SLCO2A1: variants seen among roughly 807,000 people sequenced by gnomAD.
The protein encoded by SLCO2A1 is matrin F/G 1.
In SLCO2A1, 60 loss-of-function variants were observed where a neutral mutation model predicts 71.7. The ratio of observed to expected loss-of-function variants is 0.84; its 90% CI spans 0.68 to 1.04. SLCO2A1 has a LOEUF of 1.04. Ranked by LOEUF, SLCO2A1 falls within the 50% of genes least tolerant of loss-of-function variation. The probability of loss-of-function intolerance (pLI) is 0.00; values close to 1 mark genes in which losing one functional copy is unlikely to be tolerated. For missense variants in SLCO2A1, 745 were observed against 813.4 expected (o/e 0.92, Z 1.02); for synonymous variants, 308 against 326.7 (o/e 0.94, Z 0.62).
chr3:134,022,410 T>C (rs1434869872), intron 1 of SLCO2A1, among the ~76,000 whole-genome samples: 1 of 152,076 alleles, frequency 6.6e-6, no homozygotes, highest in Non-Finnish European at 1.5e-5. Context: ...TTTACCTACA[T>C]TAAAAAGTTA....
intron 3 of SLCO2A1, among the ~76,000 whole-genome samples, chr3:133,956,800 GA>G (rs1423409582): frequency 4.6e-5 from 7 of 152,190 alleles, no homozygotes; most frequent in Admixed American, 4.6e-4. Context: ...GCTTGGAGAA[GA>G]ATATGTTCCC....
chr3:133,979,583 G>A lies in SLCO2A1; in HGVS notation c.132C>T (p.Cys44=), dbSNP rs1417526144. The A allele has an allele frequency of 6.2e-7, 1 of 1,613,804 alleles. No individual in the cohort carries two copies. The highest frequency in any genetic ancestry group is 1.3e-5 in the African/African-American group (1 of 74,910). Residue 44 remains cysteine (C), a synonymous_variant, in exon 2 of 14, where the codon TGC becomes TGT. Coordinates refer to ENST00000310926, the MANE Select transcript of SLCO2A1 (RefSeq NM_005630.3). Reference sequence around the variant, plus strand: ...TGAAGTAGGCGCTGTACAGGAGTTGGCAGAGCTGCAGGAGGCCTTGGCAGA... The same window carrying A: ...TGAAGTAGGCGCTGTACAGGAGTTGACAGAGCTGCAGGAGGCCTTGGCAGA... ...FVLCQGLLQL[C]QLLYSAYFKS...
At chr3:133,987,251 T>C (rs1378741338) in intron 1 of SLCO2A1, among the ~76,000 whole-genome samples, 1 of 149,850 alleles carries the variant, frequency 6.7e-6, no homozygotes, top group African/African-American at 2.5e-5. Context: ...CGACAGGAAG[T>C]GGGGGTCAGA....
At chr3:133,993,586 A>G (rs1934900705) in intron 1 of SLCO2A1, among the ~76,000 whole-genome samples, 1 of 152,246 alleles carries the variant, frequency 6.6e-6, no homozygotes, top group Admixed American at 6.5e-5. Context: ...TGAAAACATA[A>G]TTATCACGGA....
chr3:134,023,280 A>G (rs1935629430), intron 1 of SLCO2A1, among the ~76,000 whole-genome samples: 1 of 152,214 alleles, frequency 6.6e-6, no homozygotes, highest in Non-Finnish European at 1.5e-5. Flanking sequence ...AATCTATTCT[A>G]TTACTCTTTC....
At chr3:133,981,161 A>G (rs1203968479) in intron 1 of SLCO2A1, among the ~76,000 whole-genome samples, 2 of 152,194 alleles carry the variant, frequency 1.3e-5, no homozygotes, top group East Asian at 3.8e-4. Context: ...TAGTCACCTG[A>G]CGCTTGGCAT....
intron 12 of SLCO2A1, among the ~76,000 whole-genome samples, chr3:133,937,153 GC>G (rs1213372316): frequency 1.3e-5 from 2 of 152,188 alleles, no homozygotes; most frequent in Admixed American, 1.3e-4. Flanking sequence ...GCTGGAGGAA[GC>G]AGGAAAGGGC....
chr3:134,004,678 A>G (rs912480791), intron 1 of SLCO2A1, among the ~76,000 whole-genome samples: 1 of 152,232 alleles, frequency 6.6e-6, no homozygotes, highest in Non-Finnish European at 1.5e-5. Flanking sequence ...AAACAAAAAA[A>G]GGTGAAAAGG....
chr3:133,938,557 G>C, intron 11 of SLCO2A1, 64 bp from the exon 12 acceptor site: 1 of 1,523,866 alleles, frequency 6.6e-7, no homozygotes, highest in Non-Finnish European at 9.1e-7. Flanking sequence ...CTTGGGTAAG[G>C]GGCAGCCAGC....
intron 3 of SLCO2A1, among the ~76,000 whole-genome samples, chr3:133,967,159 C>G (rs926313605): frequency 1.3e-5 from 2 of 152,322 alleles, no homozygotes; most frequent in East Asian, 3.9e-4. Context: ...CCCAAGCAGA[C>G]CTGTCACTCA....
chr3:133,998,340 G>C (rs757772815), intron 1 of SLCO2A1, among the ~76,000 whole-genome samples: 5 of 152,192 alleles, frequency 3.3e-5, no homozygotes, highest in Non-Finnish European at 7.3e-5. Context: ...TACTCAGTTA[G>C]TGTTTGCTGG....
chr3:134,021,321 T>C (rs1426221372), intron 1 of SLCO2A1, among the ~76,000 whole-genome samples: 1 of 152,164 alleles, frequency 6.6e-6, no homozygotes, highest in East Asian at 1.9e-4. Flanking sequence ...ACTGTGACAC[T>C]AGGAAAACTT....
intron 1 of SLCO2A1, among the ~76,000 whole-genome samples, chr3:133,987,135 C>CG (rs1934732411): frequency 8.2e-6 from 1 of 122,680 alleles, no homozygotes; most frequent in African/African-American, 3.1e-5. Flanking sequence ...TTCAAAGCCC[C>CG]CCCCCCCGCC....
intron 10 of SLCO2A1, among the ~76,000 whole-genome samples, chr3:133,944,566 C>T (rs1933514739): frequency 6.6e-6 from 1 of 152,194 alleles, no homozygotes; most frequent in African/African-American, 2.4e-5. Flanking sequence ...TGAGGCAGAG[C>T]CCTGGGTTCA....
chr3:134,027,041 C>T (rs183123714), intron 1 of SLCO2A1, among the ~76,000 whole-genome samples: 79 of 152,314 alleles, frequency 5.2e-4, no homozygotes, highest in Admixed American at 1.4e-3. Flanking sequence ...TAAAAAGCTT[C>T]ATCGCTACCT....
At chr3:133,965,654 T>C (rs1934147475) in intron 3 of SLCO2A1, among the ~76,000 whole-genome samples, 1 of 114,200 alleles carries the variant, frequency 8.8e-6, no homozygotes, top group Non-Finnish European at 2.0e-5. Flanking sequence ...GGGACAAGTC[T>C]CTGGTGTTTT....
At chr3:134,001,555 C>A (rs1434516724) in intron 1 of SLCO2A1, among the ~76,000 whole-genome samples, 1 of 152,188 alleles carries the variant, frequency 6.6e-6, no homozygotes. Context: ...TTTCTCCTCC[C>A]TTTCCCCTCT....
intron 1 of SLCO2A1, among the ~76,000 whole-genome samples, chr3:133,995,792 AC>A (rs1934951761): frequency 6.6e-6 from 1 of 152,206 alleles, no homozygotes; most frequent in Admixed American, 6.5e-5. Context: ...TCAGCGAATG[AC>A]CCCACTGGTT....
chr3:134,006,388 G>C (rs1337346129), intron 1 of SLCO2A1, among the ~76,000 whole-genome samples: 3 of 152,058 alleles, frequency 2.0e-5, no homozygotes, highest in Non-Finnish European at 4.4e-5. Context: ...ACATTCACGT[G>C]TTGCGCGACC....
Sources: gnomAD v4.1 joint callset for allele counts (sites outside exome capture counted in the v4.1 genomes callset) on GRCh38, gnomAD v4.1.1 for gene constraint, MANE v1.5 for transcripts, NCBI Gene and HGNC (gene_info 2026-07-23, HGNC 2026-07-21) for gene names.